The following ENTHD1 variants were observed in gnomAD, a reference collection of about 807,000 sequenced individuals.
ENTHD1 encodes ENTH domain containing 1.
ENTHD1 carries 23 observed loss-of-function variants against 39.1 expected under a neutral mutation model. That is an observed-to-expected ratio of 0.59 (90% CI 0.42 to 0.83). ENTHD1 has a LOEUF of 0.83. ENTHD1 is among the 40% of genes least tolerant of loss of function. The pLI, the probability that ENTHD1 is intolerant of heterozygous loss-of-function variation, is 0.00. For synonymous variants in ENTHD1, 230 were observed against 258.2 expected (o/e 0.89, Z 1.05); for missense variants, 624 against 705.4 (o/e 0.88, Z 1.31).
chr22:39,758,532 T>C (rs1163257558), intron 6 of ENTHD1, among the ~76,000 whole-genome samples: 1 of 152,124 alleles, frequency 6.6e-6, no homozygotes. Context: ...TCAAGTGACC[T>C]TCCCACCTCA....
intron 4 of ENTHD1, among the ~76,000 whole-genome samples, chr22:39,833,902 T>C (rs1197043146): frequency 2.0e-5 from 3 of 148,626 alleles, no homozygotes; most frequent in Non-Finnish European, 4.5e-5. Flanking sequence ...AATTAAGTCT[T>C]TTCAACAAAT....
chr22:39,807,116 T>G (rs890385363), intron 5 of ENTHD1, among the ~76,000 whole-genome samples: 1 of 152,146 alleles, frequency 6.6e-6, no homozygotes, highest in Non-Finnish European at 1.5e-5. Context: ...AGAGCTTCAT[T>G]TTAGGAATGT....
At chr22:39,798,449 T>G (rs567986668) in intron 5 of ENTHD1, among the ~76,000 whole-genome samples, 1 of 152,138 alleles carries the variant, frequency 6.6e-6, no homozygotes, top group Non-Finnish European at 1.5e-5. Context: ...ACATGTTAGC[T>G]TTGATTCTGG....
chr22:39,752,163 T>C (rs1443608264), intron 6 of ENTHD1, among the ~76,000 whole-genome samples: 1 of 152,188 alleles, frequency 6.6e-6, no homozygotes, highest in Non-Finnish European at 1.5e-5. Flanking sequence ...GTATACTATA[T>C]ACTATATTCT....
At position 39,779,434 on chromosome 22, in the gene ENTHD1, A is replaced by G. The variant is rs142719480; in HGVS notation, c.833-13825T>C. ...GAACTTCTAAAAATGAAAAATAACA[A>G]CTGAAATTTTAAAATAAATTGGTGA... On this transcript the variant is annotated intron_variant, in intron 5 of 6. Transcript: ENST00000325157. 5.5e-3 allele frequency among the ~76,000 whole-genome samples: 835 copies of G among 152,250 alleles called. 8 individuals carry two copies. Among genetic ancestry groups the G allele is most frequent in the Middle Eastern group, 0.02 (6 of 294 alleles).
intron 3 of ENTHD1, among the ~76,000 whole-genome samples, chr22:39,850,942 A>C (rs192937509): frequency 6.6e-6 from 1 of 152,212 alleles, no homozygotes; most frequent in East Asian, 1.9e-4. Context: ...CCATTTATTC[A>C]TTATTCTCTC....
rs371901711 is a variant in ENTHD1 at position 39,762,205 on chromosome 22, T to A, written c.1219+3018A>T. Among the ~76,000 whole-genome samples, 15 of 152,252 alleles carry A rather than the reference T, an allele frequency of 9.9e-5. No homozygotes were observed. In the South Asian group the frequency reaches 1.7e-3, roughly 17 times the overall value. ...CTGGGGTCCCCCTATACGTATAGTT[T>A]AGTGGTCGGTCAAGAATTTGGGAAG... On this transcript the variant is annotated intron_variant, in intron 6 of 6. Transcript: ENST00000325157.
At chr22:39,791,477 C>T (rs1358562634) in intron 5 of ENTHD1, among the ~76,000 whole-genome samples, 3 of 152,052 alleles carry the variant, frequency 2.0e-5, no homozygotes, top group Non-Finnish European at 2.9e-5. Flanking sequence ...TCACTGCAAC[C>T]TCCACCTCCT....
chr22:39,843,307 G>T (rs1353121887), intron 3 of ENTHD1, among the ~76,000 whole-genome samples: 1 of 152,088 alleles, frequency 6.6e-6, no homozygotes, highest in Non-Finnish European at 1.5e-5. Flanking sequence ...CATGTCCTTT[G>T]TAGGGACATG....
rs189682437 is a variant in ENTHD1 at position 39,793,780 on chromosome 22, T to C, written c.832+27213A>G. Among the ~76,000 whole-genome samples, 90 of 152,334 alleles carry C rather than the reference T, an allele frequency of 5.9e-4. No homozygotes were observed. The East Asian group carries it at 0.016, about 27-fold the overall frequency. On this transcript the variant is annotated intron_variant, in intron 5 of 6. Coordinates refer to ENST00000325157, the MANE Select transcript of ENTHD1 (RefSeq NM_152512.4). ...AATCAGTTGGCTGTAAATACATGGA[T>C]TTATTTCTGTGTTCTCTCTCCTGTT...
At chr22:39,780,726 C>T (rs892465332) in intron 5 of ENTHD1, among the ~76,000 whole-genome samples, 3 of 152,120 alleles carry the variant, frequency 2.0e-5, no homozygotes, top group South Asian at 2.1e-4. Context: ...AGGCCGGGCA[C>T]GGTGGCTTGC....
At position 39,744,142 on chromosome 22, in the gene ENTHD1, A is replaced by G; in HGVS notation, c.1361T>C (p.Leu454Ser). The change falls in exon 7 of 7, where the codon TTG becomes TCG. Residue 454 changes from leucine (L) to serine (S), a missense_variant. Leu to Ser is a moderately radical substitution (Grantham distance 145). Transcript: ENST00000325157. ...PSFWTLSHQQ[L>S]SSTSFKDEDK... ...TTCATCTTTAAAGGAGGTAGAAGACAACTGTTGATGGGACAGAGTCCAGAA... is the reference window on the plus strand; with the variant it reads ...TTCATCTTTAAAGGAGGTAGAAGACGACTGTTGATGGGACAGAGTCCAGAA... 6.2e-7 allele frequency: 1 copy of G among 1,614,184 alleles called. No individual in the cohort carries two copies. Among genetic ancestry groups the G allele is most frequent in the East Asian group, 2.2e-5 (1 of 44,890 alleles).
chr22:39,812,786 T>G (rs1400425027), intron 5 of ENTHD1, among the ~76,000 whole-genome samples: 2 of 152,268 alleles, frequency 1.3e-5, no homozygotes, highest in Non-Finnish European at 1.5e-5. Context: ...TTTGTCTTTT[T>G]TTTTGTTTTG....
chr22:39,771,347 C>G (rs1330068616), intron 5 of ENTHD1, among the ~76,000 whole-genome samples: 3 of 152,098 alleles, frequency 2.0e-5, no homozygotes, highest in African/African-American at 7.2e-5. Flanking sequence ...AACTTGCTAC[C>G]CTGAATCCAG....
Position 39,835,973 on chromosome 22 carries a change from A to T in ENTHD1, c.593-15T>A. Reference sequence around the variant, plus strand: ...GCACACATTTCCTGTCAACAATATAAAGCTTAAGATTTTACTTTGGCAAAA... The same window carrying T: ...GCACACATTTCCTGTCAACAATATATAGCTTAAGATTTTACTTTGGCAAAA... On this transcript the variant is annotated splice_polypyrimidine_tract_variant and intron_variant, in intron 3 of 6. Coordinates refer to ENST00000325157, the MANE Select transcript of ENTHD1 (RefSeq NM_152512.4). The T allele has an allele frequency of 6.3e-7, 1 of 1,575,816 alleles. No homozygotes were observed. Among genetic ancestry groups the T allele is most frequent in the Non-Finnish European group, 8.6e-7 (1 of 1,156,890 alleles).
At chr22:39,860,223 A>G (rs935898963) in intron 3 of ENTHD1, among the ~76,000 whole-genome samples, 45 of 152,248 alleles carry the variant, frequency 3.0e-4, no homozygotes, top group African/African-American at 1.1e-3. Context: ...TTCAATAATT[A>G]TGTGTTTACA....
intron 5 of ENTHD1, among the ~76,000 whole-genome samples, chr22:39,810,722 T>C (rs928862497): frequency 3.3e-5 from 5 of 152,178 alleles, no homozygotes; most frequent in Admixed American, 1.3e-4. Context: ...GTACCATGCA[T>C]AGCTATAGTT....
intron 1 of ENTHD1, among the ~76,000 whole-genome samples, chr22:39,889,770 A>G (rs2066411463): frequency 6.6e-6 from 1 of 152,174 alleles, no homozygotes; most frequent in African/African-American, 2.4e-5. Flanking sequence ...GTAAAAATAC[A>G]ACACACTCTT....
intron 5 of ENTHD1, among the ~76,000 whole-genome samples, chr22:39,804,163 C>CA (rs915343932): frequency 5.3e-5 from 8 of 150,392 alleles, no homozygotes; most frequent in East Asian, 2.0e-4. Context: ...AACTCTGTCT[C>CA]AAAAAAAAGA....
Sources: allele counts gnomAD v4.1 joint callset (sites outside exome capture counted in the v4.1 genomes callset), GRCh38; gene constraint gnomAD v4.1.1; transcripts MANE v1.5; gene names NCBI Gene and HGNC (gene_info 2026-07-23, HGNC 2026-07-21).